ARHGAP26: variants seen among roughly 807,000 people sequenced by gnomAD.
The protein encoded by ARHGAP26 is Rho GTPase activating protein 26.
ARHGAP26 carries 38 observed loss-of-function variants against 104.8 expected under a neutral mutation model. The ratio of observed to expected loss-of-function variants is 0.36; its 90% CI spans 0.28 to 0.48. The LOEUF (loss-of-function observed/expected upper bound fraction) is 0.48, where lower values mean the gene tolerates loss of function less well. Among genes scored for constraint, ARHGAP26 ranks in the 20% least tolerant of loss-of-function variants. The probability of loss-of-function intolerance (pLI) is 0.99; values close to 1 mark genes in which losing one functional copy is unlikely to be tolerated. For missense variants in ARHGAP26, 704 were observed against 947.9 expected (o/e 0.74, Z 3.38); for synonymous variants, 341 against 340.0 (o/e 1.00, Z -0.03).
intron 20 of ARHGAP26, among the ~76,000 whole-genome samples, chr5:143,176,352 G>A (rs2151160075): frequency 6.6e-6 from 1 of 152,300 alleles, no homozygotes; most frequent in East Asian, 1.9e-4. Flanking sequence ...TAGATGGTAG[G>A]AATTAATCCA....
intron 20 of ARHGAP26, among the ~76,000 whole-genome samples, chr5:143,182,349 T>G (rs141977348): frequency 5.1e-4 from 77 of 152,314 alleles, no homozygotes; most frequent in African/African-American, 1.7e-3. Flanking sequence ...GATGATGAAC[T>G]GGGAAACTCC....
intron 10 of ARHGAP26, chr5:142,919,274 A>G: frequency 2.5e-6 from 1 of 398,664 alleles, no homozygotes; most frequent in East Asian, 3.6e-5. Context: ...TGAAGGCAGA[A>G]GTCGAGGTGA....
At chr5:142,815,289 C>T (rs1266813434) in intron 1 of ARHGAP26, among the ~76,000 whole-genome samples, 2 of 152,218 alleles carry the variant, frequency 1.3e-5, no homozygotes, top group African/African-American at 4.8e-5. Context: ...GATCTGCATG[C>T]CTCGGCCTTC....
At chr5:143,043,587 C>T (rs561510206) in intron 14 of ARHGAP26, among the ~76,000 whole-genome samples, 74 of 152,108 alleles carry the variant, frequency 4.9e-4, no homozygotes, top group South Asian at 2.3e-3. Context: ...GGTTGTATGG[C>T]GATAGGGTCA....
intron 20 of ARHGAP26, among the ~76,000 whole-genome samples, chr5:143,163,372 G>C (rs534184668): frequency 6.6e-6 from 1 of 152,168 alleles, no homozygotes. Context: ...CTGCCTTGAA[G>C]TGTATAATTT....
At chr5:142,825,752 C>G (rs1279877618) in intron 1 of ARHGAP26, among the ~76,000 whole-genome samples, 4 of 152,172 alleles carry the variant, frequency 2.6e-5, no homozygotes, top group Admixed American at 2.0e-4. Context: ...GCAAGGTATT[C>G]TAAAAAGGCT....
intron 1 of ARHGAP26, among the ~76,000 whole-genome samples, chr5:142,825,782 C>G (rs1326656188): frequency 6.6e-6 from 1 of 152,140 alleles, no homozygotes; most frequent in African/African-American, 2.4e-5. Context: ...AGTAGAGACT[C>G]CAGATCAGAG....
At chr5:142,807,209 T>G (rs1383572409) in intron 1 of ARHGAP26, among the ~76,000 whole-genome samples, 2 of 152,244 alleles carry the variant, frequency 1.3e-5, no homozygotes, top group African/African-American at 4.8e-5. Flanking sequence ...TGCAATTTGA[T>G]CCTAGCAACA....
In ARHGAP26 at chr5:142,771,551, TA is replaced by T. The variant is rs1008886845; in HGVS notation, c.154+637del. ...GATTCTTGTGTTTAGCAGAAGGTGA[TA>T]GGGGTGGGAGTAGAGAATCAGAGTG... On this transcript the variant is annotated intron_variant, in intron 1 of 22. Coordinates refer to ENST00000645722, the MANE Select transcript of ARHGAP26 (RefSeq NM_001135608.3). Among the ~76,000 whole-genome samples the T allele has an allele frequency of 7.9e-5, 12 of 152,278 alleles. No individual in the cohort carries two copies. In the South Asian group the frequency reaches 1.2e-3, roughly 16 times the overall value.
At chr5:143,035,469 A>G (rs1462447295) in intron 12 of ARHGAP26, among the ~76,000 whole-genome samples, 1 of 152,196 alleles carries the variant, frequency 6.6e-6, no homozygotes, top group African/African-American at 2.4e-5. Context: ...GTTCTCACTC[A>G]TAAGTGGGAG....
chr5:142,799,580 C>A (rs1324605676), intron 1 of ARHGAP26, among the ~76,000 whole-genome samples: 1 of 152,154 alleles, frequency 6.6e-6, no homozygotes, highest in Non-Finnish European at 1.5e-5. Flanking sequence ...CAGAATACCA[C>A]AGATTGGGTA....
intron 1 of ARHGAP26, among the ~76,000 whole-genome samples, chr5:142,841,507 A>AT (rs1770794217): frequency 6.6e-6 from 1 of 152,206 alleles, no homozygotes; most frequent in Non-Finnish European, 1.5e-5. Context: ...TTCACATTGA[A>AT]TAAGAATCCT....
At chr5:142,792,571 C>G (rs955088302) in intron 1 of ARHGAP26, among the ~76,000 whole-genome samples, 3 of 152,152 alleles carry the variant, frequency 2.0e-5, no homozygotes, top group Non-Finnish European at 4.4e-5. Flanking sequence ...GGGTACTGAC[C>G]GTGCAGGGAT....
At chr5:143,142,229 C>T (rs1798636157) in intron 19 of ARHGAP26, among the ~76,000 whole-genome samples, 1 of 149,010 alleles carries the variant, frequency 6.7e-6, no homozygotes, top group Admixed American at 6.8e-5. Flanking sequence ...ACCTTCGCCT[C>T]CCGGGTTCAA....
At chr5:142,825,395 T>G (rs1322511159) in intron 1 of ARHGAP26, among the ~76,000 whole-genome samples, 1 of 152,096 alleles carries the variant, frequency 6.6e-6, no homozygotes, top group African/African-American at 2.4e-5. Flanking sequence ...CTGGAGTTCT[T>G]GGTGCCCTTC....
chr5:142,932,171 T>C (rs1286436823), intron 11 of ARHGAP26, 46 bp downstream of exon 11: 3 of 1,569,782 alleles, frequency 1.9e-6, no homozygotes, highest in Non-Finnish European at 1.8e-6. Flanking sequence ...AGGCCCTGAG[T>C]TGTTTGTTGC....
chr5:142,930,559 C>T (rs1331227614), intron 10 of ARHGAP26, among the ~76,000 whole-genome samples: 2 of 152,070 alleles, frequency 1.3e-5, no homozygotes, highest in African/African-American at 2.4e-5. Context: ...CACGCCCACT[C>T]ATCTAGCTGC....
Position 143,166,216 on chromosome 5 carries a change from C to T in ARHGAP26, c.1988+18835C>T, listed in dbSNP as rs923664078. ...ACGTAGCTGGCAGTGAACACAAAAGCTCTCTGAGTAGCCGGAAGAGCCCAC... is the reference window on the plus strand; with the variant it reads ...ACGTAGCTGGCAGTGAACACAAAAGTTCTCTGAGTAGCCGGAAGAGCCCAC... On this transcript the variant is annotated intron_variant, in intron 20 of 22. Coordinates refer to ENST00000645722, the MANE Select transcript of ARHGAP26 (RefSeq NM_001135608.3). 6.2e-6 allele frequency: 4 copies of T among 645,868 alleles called. No homozygotes were observed. The African/African-American group carries it at 8.0e-5, about 13-fold the overall frequency. The allele number at this position is 645,868 out of a possible 1,614,324, so 40.0% of individuals were successfully genotyped here.
At chr5:143,050,042 G>A (rs1470987950) in intron 14 of ARHGAP26, among the ~76,000 whole-genome samples, 2 of 152,200 alleles carry the variant, frequency 1.3e-5, no homozygotes, top group Non-Finnish European at 2.9e-5. Flanking sequence ...TGTGTTTGCT[G>A]GAGTGGGGTT....
Sources: allele counts gnomAD v4.1 joint callset (sites outside exome capture counted in the v4.1 genomes callset), GRCh38; gene constraint gnomAD v4.1.1; transcripts MANE v1.5; gene names NCBI Gene and HGNC (gene_info 2026-07-23, HGNC 2026-07-21).